Variants in SCNN1B observed in about 807,000 individuals in gnomAD.
SCNN1B encodes sodium channel epithelial 1 subunit beta.
Under a neutral mutation model 65.3 loss-of-function variants are expected in SCNN1B, and 46 were observed. The observed-to-expected ratio is 0.70, with a 90% CI of 0.56 to 0.90. The LOEUF (loss-of-function observed/expected upper bound fraction) is 0.90, where lower values mean the gene tolerates loss of function less well. Ranked by LOEUF, SCNN1B falls within the 40% of genes least tolerant of loss-of-function variation. The pLI is 0.00. For missense variants in SCNN1B, 751 were observed against 830.5 expected, an observed-to-expected ratio of 0.90 and a Z score of 1.18; for synonymous variants, 349 against 330.6, an observed-to-expected ratio of 1.06 and a Z score of -0.60.
At position 23,367,294 on chromosome 16, in the gene SCNN1B, G is replaced by A. The variant is rs190699193; in HGVS notation, c.777-562G>A. Among the ~76,000 whole-genome samples, 3 of 152,164 alleles carry A rather than the reference G, an allele frequency of 2.0e-5. No individual in the cohort carries two copies. The East Asian group carries it at 5.8e-4, about 29-fold the overall frequency. On this transcript the variant is annotated intron_variant, in intron 4 of 12. Transcript: ENST00000343070. Reference sequence around the variant, plus strand: ...GAGAAAGTTCTTTTTCATTTTTGTTGTTGTTGTTTGTTGTTGTTTTAGAGA... The same window carrying A: ...GAGAAAGTTCTTTTTCATTTTTGTTATTGTTGTTTGTTGTTGTTTTAGAGA...
intron 1 of SCNN1B, among the ~76,000 whole-genome samples, chr16:23,309,561 T>C (rs1055136997): frequency 5.3e-5 from 8 of 152,202 alleles, no homozygotes; most frequent in African/African-American, 1.9e-4. Flanking sequence ...ACAGAAGAAC[T>C]TGGAGTCCGA....
intron 1 of SCNN1B, among the ~76,000 whole-genome samples, chr16:23,309,578 A>G (rs1340641844): frequency 1.3e-5 from 2 of 152,238 alleles, no homozygotes; most frequent in Non-Finnish European, 2.9e-5. Context: ...CCGATGTTTG[A>G]AAGCGGGAAG....
chr16:23,295,323 A>G (rs1687564136), intron 2 of SCNN1B, among the ~76,000 whole-genome samples: 1 of 151,970 alleles, frequency 6.6e-6, no homozygotes, highest in South Asian at 2.1e-4. Flanking sequence ...GGCTCAAGCA[A>G]TCCTCCCACC....
chr16:23,355,524 T>G (rs751269634), intron 4 of SCNN1B, 35 bp downstream of exon 4: 1 of 1,606,598 alleles, frequency 6.2e-7, no homozygotes. Flanking sequence ...GGCCAGGCCC[T>G]GGCACCGAGA....
At chr16:23,288,832 C>T (rs1447189485) in intron 2 of SCNN1B, among the ~76,000 whole-genome samples, 1 of 151,924 alleles carries the variant, frequency 6.6e-6, no homozygotes, top group Non-Finnish European at 1.5e-5. Context: ...TTTAAAGGCT[C>T]GACTGGGGAA....
At chr16:23,305,550 ATAT>A (rs1567290274) in intron 1 of SCNN1B, among the ~76,000 whole-genome samples, 2 of 36,578 alleles carry the variant, frequency 5.5e-5, no homozygotes, top group African/African-American at 3.6e-4. Flanking sequence ...ATATATATAT[ATAT>A]ATATATATAT....
chr16:23,298,899 T>C (rs1961034238), upstream of SCNN1B, among the ~76,000 whole-genome samples: 1 of 152,116 alleles, frequency 6.6e-6, no homozygotes, highest in Non-Finnish European at 1.5e-5. Flanking sequence ...AGAATGAAGA[T>C]GTCAGTTGTA....
chr16:23,341,623 A>G (rs1962056722), intron 1 of SCNN1B, among the ~76,000 whole-genome samples: 1 of 152,234 alleles, frequency 6.6e-6, no homozygotes, highest in African/African-American at 2.4e-5. Flanking sequence ...AAAGATAAAT[A>G]GCCCAGTTAA....
At chr16:23,283,062 G>T (rs1192716969) in intron 1 of SCNN1B, among the ~76,000 whole-genome samples, 1 of 152,204 alleles carries the variant, frequency 6.6e-6, no homozygotes, top group Non-Finnish European at 1.5e-5. Flanking sequence ...AAATGCATTT[G>T]ATATACCTGA....
chr16:23,278,902 T>G (rs965530066), intron 1 of SCNN1B, among the ~76,000 whole-genome samples: 1 of 151,536 alleles, frequency 6.6e-6, no homozygotes, highest in African/African-American at 2.4e-5. Context: ...ATCGTACCAC[T>G]GCACTCCAGC....
intron 1 of SCNN1B, among the ~76,000 whole-genome samples, chr16:23,319,738 C>T (rs1391672871): frequency 2.0e-5 from 3 of 152,052 alleles, no homozygotes; most frequent in South Asian, 2.1e-4. Flanking sequence ...CTCTGCTGCA[C>T]ATATTATCAA....
chr16:23,317,400 A>G (rs1204800438), intron 1 of SCNN1B, among the ~76,000 whole-genome samples: 1 of 152,248 alleles, frequency 6.6e-6, no homozygotes, highest in East Asian at 1.9e-4. Context: ...GGTGTTGCCC[A>G]GCGTGAGAAC....
At chr16:23,354,645 T>C (rs1253933592) in intron 3 of SCNN1B, among the ~76,000 whole-genome samples, 1 of 152,222 alleles carries the variant, frequency 6.6e-6, no homozygotes, top group East Asian at 1.9e-4. Flanking sequence ...TTGGTCTTCA[T>C]GGCCTCCAGG....
chr16:23,361,850 G>A (rs186277962), intron 4 of SCNN1B, among the ~76,000 whole-genome samples: 2 of 152,022 alleles, frequency 1.3e-5, no homozygotes, highest in Non-Finnish European at 2.9e-5. Context: ...TGTCCATACT[G>A]GAGTGCAGTG....
At chr16:23,371,651 G>A in intron 6 of SCNN1B, 125 bp from the exon 7 acceptor site, 1 of 1,016,268 alleles carries the variant, frequency 9.8e-7, no homozygotes, top group Non-Finnish European at 1.5e-6. Flanking sequence ...CGCCCCCTCT[G>A]GCGCCCCCCC....
intron 2 of SCNN1B, among the ~76,000 whole-genome samples, chr16:23,291,367 C>T (rs891969054): frequency 6.6e-6 from 1 of 151,582 alleles, no homozygotes; most frequent in African/African-American, 2.4e-5. Context: ...CCAGCCCAAC[C>T]ACATATTTAT....
At chr16:23,379,880 G>A (rs557830645) in intron 11 of SCNN1B, among the ~76,000 whole-genome samples, 5 of 152,354 alleles carry the variant, frequency 3.3e-5, no homozygotes, top group South Asian at 2.1e-4. Context: ...ACGGGGGCAC[G>A]CATGAGAGAA....
At chr16:23,322,076 C>G (rs192015802) in intron 1 of SCNN1B, among the ~76,000 whole-genome samples, 3 of 152,042 alleles carry the variant, frequency 2.0e-5, no homozygotes, top group Admixed American at 6.6e-5. Context: ...TAAACTGCCC[C>G]GACACAAACT....
chr16:23,347,726 G>A (rs769636011), intron 1 of SCNN1B, among the ~76,000 whole-genome samples: 7 of 152,064 alleles, frequency 4.6e-5, no homozygotes, highest in South Asian at 2.1e-4. Flanking sequence ...TGGGCAACAC[G>A]GTGAAACCCC....
Sources: allele counts gnomAD v4.1 joint callset (sites outside exome capture counted in the v4.1 genomes callset), GRCh38; gene constraint gnomAD v4.1.1; transcripts MANE v1.5; gene names NCBI Gene and HGNC (gene_info 2026-07-23, HGNC 2026-07-21).